The following VPS13D variants were observed in gnomAD, a reference collection of about 807,000 sequenced individuals.
VPS13D encodes the protein vacuolar protein sorting 13 homolog D, also known as intermembrane lipid transfer protein VPS13D.
Under a neutral mutation model 461.9 loss-of-function variants are expected in VPS13D, and 187 were observed. The ratio of observed to expected loss-of-function variants is 0.40; its 90% CI spans 0.36 to 0.46. The LOEUF (loss-of-function observed/expected upper bound fraction) is 0.46. Ranked by LOEUF, VPS13D falls within the 20% of genes least tolerant of loss-of-function variation. VPS13D has a pLI of 0.60. For missense variants in VPS13D, 4,711 were observed against 5,364.9 expected (o/e 0.88, Z 3.81); for synonymous variants, 1,951 against 1,986.3 (o/e 0.98, Z 0.47).
chr1:12,297,154 C>G (rs1380779280), intron 24 of VPS13D, among the ~76,000 whole-genome samples: 2 of 152,232 alleles, frequency 1.3e-5, no homozygotes, highest in East Asian at 3.9e-4. Context: ...AAATTTCTTT[C>G]ACCTTGTATT....
intron 55 of VPS13D, among the ~76,000 whole-genome samples, chr1:12,374,709 T>C: frequency 6.6e-6 from 1 of 152,216 alleles, no homozygotes; most frequent in Non-Finnish European, 1.5e-5. Context: ...TATCTGTTAC[T>C]GTGTCAGTAT....
chr1:12,427,757 CA>C (rs1301311296), intron 65 of VPS13D, among the ~76,000 whole-genome samples: 1 of 152,142 alleles, frequency 6.6e-6, no homozygotes, highest in Non-Finnish European at 1.5e-5. Context: ...TACTGAGGGA[CA>C]GCTGTACTTC....
chr1:12,275,882 A>G lies in VPS13D; in HGVS notation c.2294A>G (p.Asp765Gly), dbSNP rs777895667. ...GCATCTGAAGAGACCCAGTTTAGTG[A>G]TGATGAATATAAGACCCCCCTGGCC... ...GSASEETQFS[D>G]DEYKTPLATP... The change falls in exon 19 of 70, where the codon GAT becomes GGT. Residue 765 changes from aspartate to glycine, a missense_variant. Transcript: ENST00000620676. The G allele has an allele frequency of 9.3e-6, 15 of 1,613,460 alleles. No individual in the cohort carries two copies. Among genetic ancestry groups the G allele is most frequent in the Non-Finnish European group, 1.3e-5 (15 of 1,179,868 alleles).
chr1:12,312,303 A>T (rs954807232), intron 29 of VPS13D, among the ~76,000 whole-genome samples: 1 of 152,220 alleles, frequency 6.6e-6, no homozygotes, highest in Non-Finnish European at 1.5e-5. Flanking sequence ...ATGGTGTTGA[A>T]TGGCAACTAA....
In VPS13D at chr1:12,268,745, A is replaced by G; in HGVS notation, c.1841A>G (p.Glu614Gly). ...PDGPVFEMLYERNPAHSHFER... is the reference protein window; with the variant it reads ...PDGPVFEMLYGRNPAHSHFER... ...GGCCCCGTTTTTGAGATGCTGTATGAGAGAAATCCGGCGCACAGCCACTTT... is the reference window on the plus strand; with the variant it reads ...GGCCCCGTTTTTGAGATGCTGTATGGGAGAAATCCGGCGCACAGCCACTTT... Residue 614 changes from glutamate (E) to glycine (G), a missense_variant, in exon 16 of 70, where the codon GAG becomes GGG. Physicochemically the swap from Glu to Gly is moderately conservative, Grantham distance 98. This residue lies in a region of VPS13D where 4,411 missense variants were observed against 4,937.8 expected (regional missense o/e 0.89). Coordinates refer to ENST00000620676, the MANE Select transcript of VPS13D (RefSeq NM_015378.4). The G allele has an allele frequency of 1.2e-6, 2 of 1,614,060 alleles. No individual in the cohort carries two copies. Among genetic ancestry groups the G allele is most frequent in the Non-Finnish European group, 1.7e-6 (2 of 1,179,992 alleles).
intron 68 of VPS13D, chr1:12,499,932 A>G: frequency 1.0e-6 from 1 of 985,404 alleles, no homozygotes; most frequent in South Asian, 4.7e-5. Context: ...TTGTAATTAA[A>G]AACATGTTTA....
intron 26 of VPS13D, among the ~76,000 whole-genome samples, chr1:12,307,433 G>A (rs971503581): frequency 3.9e-5 from 6 of 152,170 alleles, no homozygotes; most frequent in East Asian, 1.9e-4. Flanking sequence ...ATGAGCTTGG[G>A]AAAGAAGGCA....
At position 12,311,456 on chromosome 1, in the gene VPS13D, A is replaced by G. The variant is rs200824713; in HGVS notation, c.6653A>G (p.Glu2218Gly). The change falls in exon 28 of 70, where the codon GAA (glutamate) becomes GGA (glycine). Residue 2218 changes from glutamate (E) to glycine (G), a missense_variant and splice_region_variant. Around this residue, in one of 3 missense-constraint regions of VPS13D, gnomAD observed 4,411 missense variants for 4,937.8 expected, o/e 0.89. Transcript: ENST00000620676. ...GTGATCTTTTTTCTTTTTCATAGAG[A>G]AATAAGTCATACTGTGCCAGACATA... ...KLQVERNLDK[E>G]ISHTVPDISI... 2.6e-5 allele frequency: 42 copies of G among 1,603,274 alleles called. No individual in the cohort carries two copies. The highest frequency in any genetic ancestry group is 3.2e-5 in the Non-Finnish European group (38 of 1,176,182).
intron 1 of VPS13D, among the ~76,000 whole-genome samples, chr1:12,230,878 C>T (rs910428022): frequency 6.6e-6 from 1 of 152,124 alleles, no homozygotes; most frequent in African/African-American, 2.4e-5. Flanking sequence ...GTCTCTGTCC[C>T]CTGGAGGGGG....
At chr1:12,351,963 T>G (rs185519818) in intron 46 of VPS13D, among the ~76,000 whole-genome samples, 1 of 152,042 alleles carries the variant, frequency 6.6e-6, no homozygotes, top group South Asian at 2.1e-4. Flanking sequence ...GCTTAATATT[T>G]GAAAATCAGT....
chr1:12,457,783 A>G (rs1358773738), intron 66 of VPS13D, among the ~76,000 whole-genome samples: 2 of 152,200 alleles, frequency 1.3e-5, no homozygotes, highest in African/African-American at 2.4e-5. Context: ...CCCAACCGTA[A>G]AGGGAGCTGT....
At chr1:12,366,858 A>T (rs1281023640) in intron 52 of VPS13D, among the ~76,000 whole-genome samples, 4 of 152,186 alleles carry the variant, frequency 2.6e-5, no homozygotes, top group Admixed American at 1.3e-4. Context: ...TCCTTTCTGA[A>T]CTATTTGAAA....
At chr1:12,295,816 A>T (rs1376021771) in intron 24 of VPS13D, among the ~76,000 whole-genome samples, 1 of 152,154 alleles carries the variant, frequency 6.6e-6, no homozygotes, top group Non-Finnish European at 1.5e-5. Flanking sequence ...TTCCTTCCCT[A>T]TTCCGTTCCC....
chr1:12,347,509 G>A (rs1643701891), intron 44 of VPS13D, among the ~76,000 whole-genome samples: 1 of 152,140 alleles, frequency 6.6e-6, no homozygotes, highest in Admixed American at 6.5e-5. Context: ...GACTATTGGG[G>A]CCTTTTTTGG....
intron 52 of VPS13D, 62 bp from the exon 53 acceptor site, chr1:12,368,402 GAAGT>G: frequency 6.6e-7 from 1 of 1,525,894 alleles, no homozygotes. Flanking sequence ...AGAAATATGA[GAAGT>G]AAGTGGATGG....
In VPS13D at chr1:12,324,418, C is replaced by T. The variant is rs907257461; in HGVS notation, c.7990+638C>T. ...ACTCAGGAGGCTGAGGCAGGAGAAT[C>T]GATTGAACCTGGGAGGCGGAGGTTG... is the stretch of plus-strand genomic sequence containing the variant. On this transcript the variant is annotated intron_variant, in intron 35 of 69. Transcript: ENST00000620676. Among the ~76,000 whole-genome samples, 774 of 152,162 alleles carry T rather than the reference C, an allele frequency of 5.1e-3. 2 individuals are homozygous for T. Among genetic ancestry groups the T allele is most frequent in the African/African-American group, 0.018 (746 of 41,514 alleles).
chr1:12,329,861 C>T lies in VPS13D; in HGVS notation c.8230C>T (p.Pro2744Ser), dbSNP rs547354658. Residue 2744 changes from proline to serine, a missense_variant, in exon 37 of 70, where the codon CCT (proline) becomes TCT (serine). This residue lies in a region of VPS13D where 4,411 missense variants were observed against 4,937.8 expected (regional missense o/e 0.89). Coordinates refer to ENST00000620676, the MANE Select transcript of VPS13D (RefSeq NM_015378.4). ...LNFLQRVRTSPEGYAHFTLSG... is the reference protein window; with the variant it reads ...LNFLQRVRTSSEGYAHFTLSG... ...TTTTCTTCAGCGTGTAAGAACTAGC[C>T]CTGAAGGCTATGCCCACTTCACCCT... 6.2e-7 allele frequency: 1 copy of T among 1,613,974 alleles called. No homozygotes were observed. The highest frequency in any genetic ancestry group is 1.1e-5 in the South Asian group (1 of 91,076).
At position 12,400,707 on chromosome 1, in the gene VPS13D, CT is replaced by C. The variant is rs556833692; in HGVS notation, c.11784+380del. Among the ~76,000 whole-genome samples the C allele has an allele frequency of 2.1e-4, 32 of 152,278 alleles. No homozygotes were observed. The South Asian group carries it at 6.6e-3, about 32-fold the overall frequency. ...CTGGCTCTCACCTGTAATCTCAGCA[CT>C]TTGGGAGGCTAAGGCGGGTGGATCT... On this transcript the variant is annotated intron_variant, in intron 61 of 69. Transcript: ENST00000620676.
rs771829317 is a variant in VPS13D at position 12,329,812 on chromosome 1, G to A, written c.8198-17G>A. 8.7e-6 allele frequency: 14 copies of A among 1,612,944 alleles called. No homozygotes were observed. The highest frequency in any genetic ancestry group is 1.7e-4 in the Middle Eastern group (1 of 6,058). ...GCTCCTGCCCTGCCGCTGCAGTAAG[G>A]TTTGCTTTCATTGCAGGTCTGAATT... On this transcript the variant is annotated splice_polypyrimidine_tract_variant and intron_variant, in intron 36 of 69. Coordinates refer to ENST00000620676, the MANE Select transcript of VPS13D (RefSeq NM_015378.4).
Sources: allele counts gnomAD v4.1 joint callset (sites outside exome capture counted in the v4.1 genomes callset), GRCh38; gene constraint gnomAD v4.1.1; regional missense constraint gnomAD v4.1.1; transcripts MANE v1.5; gene names NCBI Gene and HGNC (gene_info 2026-07-23, HGNC 2026-07-21).